HMGCLL1: variants seen among roughly 807,000 people sequenced by gnomAD.
The protein encoded by HMGCLL1 is 3-hydroxymethyl-3-methylglutaryl-CoA lyase, cytoplasmic.
In HMGCLL1, 36 loss-of-function variants were observed where a neutral mutation model predicts 39.1. The ratio of observed to expected loss-of-function variants is 0.92; its 90% CI spans 0.71 to 1.22. The LOEUF is 1.22. HMGCLL1 is among the 50% of genes most tolerant of loss of function. HMGCLL1 has a pLI of 0.00. For synonymous variants in HMGCLL1, 149 were observed against 144.0 expected (o/e 1.03, Z -0.25); for missense variants, 451 against 416.5 (o/e 1.08, Z -0.72).
At chr6:55,486,764 T>C (rs1222051522) in intron 7 of HMGCLL1, among the ~76,000 whole-genome samples, 1 of 152,106 alleles carries the variant, frequency 6.6e-6, no homozygotes, top group Non-Finnish European at 1.5e-5. Context: ...TGGGCTGCTA[T>C]AACAAAGTAC....
the HMGCLL1 span, among the ~76,000 whole-genome samples, chr6:55,651,997 CTG>C: frequency 1.3e-5 from 2 of 152,074 alleles, no homozygotes; most frequent in Admixed American, 1.3e-4. Context: ...TGATTCAAGG[CTG>C]TCTCTCCTGC....
rs1436377695 is a variant in HMGCLL1, at chr6:55,489,950, A to C, written c.795+5469T>G. Among the ~76,000 whole-genome samples the C allele has an allele frequency of 2.0e-5, 3 of 152,172 alleles. No homozygotes were observed. The South Asian group carries it at 6.2e-4, about 31-fold the overall frequency. On this transcript the variant is annotated intron_variant, in intron 7 of 8. Coordinates refer to ENST00000274901, the MANE Select transcript of HMGCLL1 (RefSeq NM_001042406.2). ...TATCGTATTCTGTAGATAATGGAAA[A>C]GTCAGTGAAAAAATTGAAGTACCCG...
chr6:55,563,266 T>G (rs1771044529), intron 1 of HMGCLL1, among the ~76,000 whole-genome samples: 1 of 152,112 alleles, frequency 6.6e-6, no homozygotes, highest in Non-Finnish European at 1.5e-5. Flanking sequence ...TATTGGCATG[T>G]GCTTGGGTGG....
At chr6:55,627,921 A>ATATATATAGTATATATACT in the HMGCLL1 span, among the ~76,000 whole-genome samples, 3 of 2,114 alleles carry the variant, frequency 1.4e-3, no homozygotes, top group African/African-American at 2.7e-3. Context: ...ATATATATAT[A>ATATATATAGTATATATACT]ATATATATAC....
chr6:55,534,233 T>G (rs1768876549), intron 3 of HMGCLL1, among the ~76,000 whole-genome samples: 1 of 152,112 alleles, frequency 6.6e-6, no homozygotes, highest in African/African-American at 2.4e-5. Context: ...AAGCATATAA[T>G]TAGGTTAGTT....
intron 7 of HMGCLL1, among the ~76,000 whole-genome samples, chr6:55,446,074 C>A (rs1468660745): frequency 6.6e-6 from 1 of 151,692 alleles, no homozygotes; most frequent in Admixed American, 6.6e-5. Flanking sequence ...GTGCCAGGGA[C>A]TTGGAATAAA....
chr6:55,500,979 C>A (rs1267243033), intron 5 of HMGCLL1, among the ~76,000 whole-genome samples: 1 of 151,854 alleles, frequency 6.6e-6, no homozygotes, highest in Non-Finnish European at 1.5e-5. Context: ...CAAACCTCTC[C>A]TGCATTTTCA....
chr6:55,638,466 G>A, the HMGCLL1 span, among the ~76,000 whole-genome samples: 9 of 151,202 alleles, frequency 6.0e-5, no homozygotes, highest in African/African-American at 1.9e-4. Context: ...TTAAGAAAGA[G>A]TTTAATATGC....
At chr6:55,602,355 T>A in the HMGCLL1 span, among the ~76,000 whole-genome samples, 1,848 of 152,134 alleles carry the variant, frequency 0.012, 42 homozygotes, top group African/African-American at 0.042. Context: ...ACAAAAAATA[T>A]AATACAATCT....
At chr6:55,650,134 TACACACACACACAC>T in the HMGCLL1 span, among the ~76,000 whole-genome samples, 55 of 53,148 alleles carry the variant, frequency 1.0e-3, no homozygotes, top group South Asian at 2.2e-3. Context: ...TATATATATA[TACACACACACACAC>T]ATATGTATAT....
the HMGCLL1 span, among the ~76,000 whole-genome samples, chr6:55,628,981 T>C: frequency 2.0e-5 from 3 of 152,148 alleles, no homozygotes; most frequent in Non-Finnish European, 4.4e-5. Flanking sequence ...ATGAGCAGTG[T>C]GAAAACAGAC....
the HMGCLL1 span, among the ~76,000 whole-genome samples, chr6:55,612,025 G>T: frequency 6.6e-6 from 1 of 152,044 alleles, no homozygotes; most frequent in Non-Finnish European, 1.5e-5. Context: ...GTCCTTGTTT[G>T]TAGATGACTT....
At chr6:55,476,886 A>C (rs937800544) in intron 7 of HMGCLL1, among the ~76,000 whole-genome samples, 1 of 146,862 alleles carries the variant, frequency 6.8e-6, no homozygotes, top group Admixed American at 6.8e-5. Context: ...GGGGCAGAAC[A>C]GTGGAACTCA....
At chr6:55,553,140 T>A (rs12202950) in intron 1 of HMGCLL1, among the ~76,000 whole-genome samples, 53,102 of 103,050 alleles carry the variant, frequency 0.52, 9,886 homozygotes, top group Non-Finnish European at 0.55. Context: ...CAAAACTCCA[T>A]CTCTCTCTCT....
At chr6:55,475,943 TATATGCCC>T (rs1337103090) in intron 7 of HMGCLL1, among the ~76,000 whole-genome samples, 8 of 151,728 alleles carry the variant, frequency 5.3e-5, no homozygotes, top group Admixed American at 3.3e-4. Flanking sequence ...CTTTGTGGTC[TATATGCCC>T]ATTCTTGTAT....
the HMGCLL1 span, among the ~76,000 whole-genome samples, chr6:55,617,963 A>G: frequency 6.6e-6 from 1 of 152,152 alleles, no homozygotes; most frequent in Non-Finnish European, 1.5e-5. Context: ...AAACATAGTT[A>G]TAAGGAACGT....
intron 3 of HMGCLL1, among the ~76,000 whole-genome samples, chr6:55,539,982 A>G (rs11752240): frequency 7.2e-3 from 85 of 11,768 alleles, no homozygotes; most frequent in African/African-American, 0.014. Context: ...GGAAGGAAGG[A>G]AGGAAGGAAG....
the HMGCLL1 span, among the ~76,000 whole-genome samples, chr6:55,587,421 T>A: frequency 6.6e-6 from 1 of 151,996 alleles, no homozygotes; most frequent in East Asian, 1.9e-4. Flanking sequence ...AAGGAAGCAC[T>A]AAACATGGAA....
intron 3 of HMGCLL1, among the ~76,000 whole-genome samples, chr6:55,524,279 G>T (rs547769619): frequency 4.0e-5 from 6 of 150,742 alleles, no homozygotes; most frequent in African/African-American, 1.5e-4. Context: ...GAGAAAAAGC[G>T]TATTATGAAT....
Sources: gnomAD v4.1 joint callset for allele counts (sites outside exome capture counted in the v4.1 genomes callset) on GRCh38, gnomAD v4.1.1 for gene constraint, MANE v1.5 for transcripts, NCBI Gene and HGNC (gene_info 2026-07-23, HGNC 2026-07-21) for gene names.